The following RORA variants were observed in gnomAD, a reference collection of about 807,000 sequenced individuals.
The protein encoded by RORA is nuclear receptor ROR-alpha.
In RORA, 7 loss-of-function variants were observed where a neutral mutation model predicts 69.5. That is an observed-to-expected ratio of 0.10 (90% CI 0.06 to 0.19). The LOEUF is 0.19. Among genes scored for constraint, RORA ranks in the 10% least tolerant of loss-of-function variants. The probability of loss-of-function intolerance (pLI) is 1.00; values close to 1 mark genes in which losing one functional copy is unlikely to be tolerated. For missense variants in RORA, 457 were observed against 663.0 expected (o/e 0.69, Z 3.41); for synonymous variants, 261 against 240.8 (o/e 1.08, Z -0.78).
At chr15:60,820,641 T>G (rs532873413) in intron 1 of RORA, among the ~76,000 whole-genome samples, 44 of 143,550 alleles carry the variant, frequency 3.1e-4, no homozygotes, top group African/African-American at 1.1e-3. Flanking sequence ...GGCAGAGGGG[T>G]GGGGGTGGAG....
chr15:60,945,662 C>G (rs1892848545), intron 1 of RORA, among the ~76,000 whole-genome samples: 2 of 152,216 alleles, frequency 1.3e-5, no homozygotes, highest in Non-Finnish European at 1.5e-5. Flanking sequence ...GCAGACAAAA[C>G]TGTACTTTGG....
At chr15:60,609,549 A>C (rs2069035203) in intron 2 of RORA, among the ~76,000 whole-genome samples, 1 of 152,214 alleles carries the variant, frequency 6.6e-6, no homozygotes, top group South Asian at 2.1e-4. Flanking sequence ...AAAGTCCATA[A>C]GATGGAAATG....
chr15:60,860,829 A>G (rs2073429663), intron 1 of RORA, among the ~76,000 whole-genome samples: 1 of 152,216 alleles, frequency 6.6e-6, no homozygotes, highest in East Asian at 1.9e-4. Context: ...GAGATTCACC[A>G]TGGAACTTCC....
chr15:61,059,472 C>T (rs548270878), intron 1 of RORA, among the ~76,000 whole-genome samples: 1 of 152,272 alleles, frequency 6.6e-6, no homozygotes, highest in South Asian at 2.1e-4. Flanking sequence ...TAGAGTTATT[C>T]AAATGTACCT....
intron 1 of RORA, among the ~76,000 whole-genome samples, chr15:60,936,043 A>G (rs1026327701): frequency 2.6e-5 from 4 of 152,156 alleles, no homozygotes; most frequent in Non-Finnish European, 5.9e-5. Context: ...CCCTACAGTT[A>G]CTCAGCCTGA....
chr15:60,803,815 C>A (rs78484144), intron 1 of RORA, among the ~76,000 whole-genome samples: 2,161 of 152,288 alleles, frequency 0.014, 61 homozygotes, highest in African/African-American at 0.048. Flanking sequence ...AGAGATGGCA[C>A]AGAAACAACT....
intron 1 of RORA, among the ~76,000 whole-genome samples, chr15:60,922,931 G>C (rs760052538): frequency 1.9e-4 from 29 of 152,352 alleles, no homozygotes; most frequent in South Asian, 6.2e-4. Flanking sequence ...ATGCAGAAGA[G>C]ATTCTGTAAG....
chr15:60,859,592 CAG>C lies in RORA; in HGVS notation c.167-180908_167-180907del, dbSNP rs559139860. ...GACTGCCCAAGAGATTGTCCCATCTCAGCCTGGTGAGACTATAGCAACACGAC... is the reference window on the plus strand; with the variant it reads ...GACTGCCCAAGAGATTGTCCCATCTCCCTGGTGAGACTATAGCAACACGAC... On this transcript the variant is annotated intron_variant, in intron 1 of 10. Transcript: ENST00000335670. 6.0e-3 allele frequency among the ~76,000 whole-genome samples: 898 copies of C among 150,340 alleles called. 12 individuals are homozygous for C. Among genetic ancestry groups the C allele is most frequent in the African/African-American group, 0.02 (825 of 40,934 alleles).
intron 1 of RORA, among the ~76,000 whole-genome samples, chr15:60,698,273 A>G (rs2070932855): frequency 6.6e-6 from 1 of 152,172 alleles, no homozygotes; most frequent in South Asian, 2.1e-4. Context: ...AAGCCCCACT[A>G]AAAGCTGGCT....
intron 1 of RORA, among the ~76,000 whole-genome samples, chr15:60,973,773 TG>T (rs1221906122): frequency 1.3e-5 from 2 of 152,176 alleles, no homozygotes; most frequent in Non-Finnish European, 2.9e-5. Context: ...GAACGGCTGG[TG>T]GCTCGATCAG....
intron 1 of RORA, among the ~76,000 whole-genome samples, chr15:61,162,392 T>C (rs1357654776): frequency 6.6e-6 from 1 of 152,140 alleles, no homozygotes; most frequent in Non-Finnish European, 1.5e-5. Context: ...CGTATTTTAA[T>C]AGACTTTAGC....
At chr15:61,142,377 A>C (rs964407428) in intron 1 of RORA, among the ~76,000 whole-genome samples, 5 of 152,184 alleles carry the variant, frequency 3.3e-5, no homozygotes, top group African/African-American at 1.2e-4. Flanking sequence ...ACTATAACTC[A>C]TCAAATATGT....
At chr15:61,033,819 G>A (rs1173082110) in intron 1 of RORA, among the ~76,000 whole-genome samples, 6 of 151,994 alleles carry the variant, frequency 3.9e-5, no homozygotes, top group Middle Eastern at 3.2e-3. Flanking sequence ...CTATAGTCCC[G>A]ACTACTTGGG....
intron 1 of RORA, among the ~76,000 whole-genome samples, chr15:61,184,938 T>C (rs959169766): frequency 7.0e-6 from 1 of 142,182 alleles, no homozygotes; most frequent in African/African-American, 2.6e-5. Context: ...TGAGCTATGA[T>C]TGTCCCACTG....
At chr15:61,024,856 T>A (rs1029058984) in intron 1 of RORA, among the ~76,000 whole-genome samples, 1 of 152,210 alleles carries the variant, frequency 6.6e-6, no homozygotes, top group African/African-American at 2.4e-5. Context: ...CCTCCCAAAG[T>A]GCTGGGATTA....
chr15:61,095,025 G>C (rs1318230846), intron 1 of RORA, among the ~76,000 whole-genome samples: 1 of 152,232 alleles, frequency 6.6e-6, no homozygotes, highest in Non-Finnish European at 1.5e-5. Context: ...GTTCAGGACA[G>C]TGCCTGGAAT....
At chr15:61,217,665 T>C (rs939976153) in intron 1 of RORA, among the ~76,000 whole-genome samples, 2 of 152,066 alleles carry the variant, frequency 1.3e-5, no homozygotes, top group African/African-American at 2.4e-5. Flanking sequence ...TGCTGCTTTA[T>C]CCCCAGGCCC....
intron 1 of RORA, among the ~76,000 whole-genome samples, chr15:60,884,383 T>G (rs2073728572): frequency 6.6e-6 from 1 of 151,604 alleles, no homozygotes; most frequent in Admixed American, 6.6e-5. Flanking sequence ...CCCTGAAAAA[T>G]GTCATCTGCC....
At chr15:60,938,665 G>A (rs1476492771) in intron 1 of RORA, among the ~76,000 whole-genome samples, 1 of 152,108 alleles carries the variant, frequency 6.6e-6, no homozygotes, top group Admixed American at 6.5e-5. Context: ...TAAATAAGAG[G>A]GAGGCAAGAA....
Sources: allele counts gnomAD v4.1 joint callset (sites outside exome capture counted in the v4.1 genomes callset), GRCh38; gene constraint gnomAD v4.1.1; transcripts MANE v1.5; gene names NCBI Gene and HGNC (gene_info 2026-07-23, HGNC 2026-07-21).